DSTN: variants seen among roughly 807,000 people sequenced by gnomAD.
DSTN encodes destrin, actin depolymerizing factor.
Under a neutral mutation model 16.8 loss-of-function variants are expected in DSTN, and 10 were observed. The ratio of observed to expected loss-of-function variants is 0.60; its 90% CI spans 0.37 to 1.01. The LOEUF (loss-of-function observed/expected upper bound fraction) is 1.01, where lower values mean the gene tolerates loss of function less well. Among genes scored for constraint, DSTN ranks in the 50% least tolerant of loss-of-function variants. DSTN has a pLI of 0.01. For missense variants in DSTN, 141 were observed against 196.7 expected (o/e 0.72, Z 1.69); for synonymous variants, 57 against 58.9 (o/e 0.97, Z 0.14).
intron 1 of DSTN, among the ~76,000 whole-genome samples, chr20:17,590,942 A>T (rs998071528): frequency 2.6e-5 from 4 of 152,158 alleles, no homozygotes; most frequent in African/African-American, 9.7e-5. Context: ...CCCTGTTTCT[A>T]CAAAAAAGTT....
chr20:17,571,679 C>G (rs2122152280), intron 1 of DSTN, among the ~76,000 whole-genome samples: 1 of 152,292 alleles, frequency 6.6e-6, no homozygotes, highest in East Asian at 1.9e-4. Flanking sequence ...AGGGTCTGCT[C>G]TAGAGACTTC....
At chr20:17,586,175 GTCATTTTC>G (rs1455792105) in intron 1 of DSTN, among the ~76,000 whole-genome samples, 2 of 152,242 alleles carry the variant, frequency 1.3e-5, no homozygotes, top group East Asian at 3.9e-4. Flanking sequence ...CCTTGAAACA[GTCATTTTC>G]TCTACCTTAG....
At chr20:17,579,316 T>C (rs2035317416) in intron 1 of DSTN, among the ~76,000 whole-genome samples, 1 of 152,204 alleles carries the variant, frequency 6.6e-6, no homozygotes, top group Non-Finnish European at 1.5e-5. Context: ...GGCTCATGCC[T>C]GTAATCCTAG....
chr20:17,589,497 G>A (rs1214764832), intron 1 of DSTN, among the ~76,000 whole-genome samples: 6 of 152,270 alleles, frequency 3.9e-5, no homozygotes, highest in East Asian at 3.9e-4. Context: ...GAGCCGCAGC[G>A]CCCAGCCAAG....
intron 1 of DSTN, 92 bp from the exon 2 acceptor site, chr20:17,600,646 A>C (rs958959278): frequency 7.4e-7 from 1 of 1,358,028 alleles, no homozygotes; most frequent in Non-Finnish European, 9.8e-7. Context: ...TTAAAATGTT[A>C]AATATATGCC....
intron 3 of DSTN, 110 bp downstream of exon 3, chr20:17,604,741 G>A: frequency 2.1e-6 from 2 of 939,022 alleles, no homozygotes; most frequent in Non-Finnish European, 3.2e-6. Flanking sequence ...GGGCACAAGG[G>A]AGAAGTGTTA....
chr20:17,607,000 C>G, intron 3 of DSTN, 37 bp from the exon 4 acceptor site: 1 of 1,602,294 alleles, frequency 6.2e-7, no homozygotes, highest in Middle Eastern at 1.7e-4. Flanking sequence ...AAACTGCTGC[C>G]ATAATTGTAA....
At chr20:17,600,670 A>C in intron 1 of DSTN, 68 bp from the exon 2 acceptor site, 6 of 1,447,644 alleles carry the variant, frequency 4.1e-6, no homozygotes, top group Non-Finnish European at 5.5e-6. Context: ...CTATAAGCAG[A>C]ATTTATTATT....
At chr20:17,591,849 A>G in intron 1 of DSTN, 1 of 970,586 alleles carries the variant, frequency 1.0e-6, no homozygotes, top group Non-Finnish European at 1.2e-6. Flanking sequence ...GCTTTAAGAT[A>G]TCTCCTTTTG....
chr20:17,590,933 C>A (rs749348505), intron 1 of DSTN, among the ~76,000 whole-genome samples: 1 of 152,038 alleles, frequency 6.6e-6, no homozygotes, highest in African/African-American at 2.4e-5. Flanking sequence ...ATAACAAGAC[C>A]CTGTTTCTAC....
intron 1 of DSTN, among the ~76,000 whole-genome samples, chr20:17,574,837 T>C (rs2035253529): frequency 6.8e-6 from 1 of 147,150 alleles, no homozygotes; most frequent in South Asian, 2.1e-4. Context: ...TCCTTTCTTT[T>C]TTCTTTCTTT....
At position 17,587,020 on chromosome 20, in the gene DSTN, T is replaced by A. The variant is rs187624778; in HGVS notation, c.4-13718T>A. Among the ~76,000 whole-genome samples, 655 of 151,556 alleles carry A rather than the reference T, an allele frequency of 4.3e-3. 6 individuals are homozygous for A. The highest frequency in any genetic ancestry group is 0.024 in the Middle Eastern group (7 of 294). On this transcript the variant is annotated intron_variant, in intron 1 of 3. Transcript: ENST00000246069. The stretch of plus-strand genomic sequence containing the variant: ...GAGAATAACACAGCCAGTTTAAAAA[T>A]ATATATATATTCAGTATTTGACTTG...
chr20:17,590,646 T>A (rs756288203), intron 1 of DSTN, among the ~76,000 whole-genome samples: 29 of 152,276 alleles, frequency 1.9e-4, no homozygotes, highest in Non-Finnish European at 3.5e-4. Flanking sequence ...AACTTGGTGC[T>A]ATGTTCAGAG....
At chr20:17,580,407 T>C (rs2035329164) in intron 1 of DSTN, among the ~76,000 whole-genome samples, 1 of 152,054 alleles carries the variant, frequency 6.6e-6, no homozygotes, top group African/African-American at 2.4e-5. Context: ...AAAGACAAGA[T>C]CATTTCAGCT....
intron 1 of DSTN, among the ~76,000 whole-genome samples, chr20:17,571,436 T>G (rs1405550780): frequency 6.6e-6 from 1 of 152,264 alleles, no homozygotes; most frequent in Non-Finnish European, 1.5e-5. Flanking sequence ...TCTTGATGAC[T>G]GTAGATATGT....
At chr20:17,575,823 C>T (rs1383838913) in intron 1 of DSTN, among the ~76,000 whole-genome samples, 1 of 152,190 alleles carries the variant, frequency 6.6e-6, no homozygotes, top group Non-Finnish European at 1.5e-5. Flanking sequence ...CCACTGCGCC[C>T]AGCCGTGAAA....
intron 2 of DSTN, among the ~76,000 whole-genome samples, chr20:17,602,660 G>A (rs1034853766): frequency 6.6e-6 from 1 of 152,162 alleles, no homozygotes; most frequent in African/African-American, 2.4e-5. Flanking sequence ...TCTTAAAGTA[G>A]TTTAACAATT....
At chr20:17,606,060 A>G (rs569158488) in intron 3 of DSTN, among the ~76,000 whole-genome samples, 1 of 152,230 alleles carries the variant, frequency 6.6e-6, no homozygotes, top group African/African-American at 2.4e-5. Context: ...GTGAGCTGAG[A>G]TCGCACCATT....
chr20:17,574,184 C>T (rs1184749794), intron 1 of DSTN, among the ~76,000 whole-genome samples: 2 of 151,792 alleles, frequency 1.3e-5, no homozygotes, highest in Non-Finnish European at 2.9e-5. Flanking sequence ...AGCCTGGCCA[C>T]AGCGGGAGAC....
Sources: gnomAD v4.1 joint callset for allele counts (sites outside exome capture counted in the v4.1 genomes callset) on GRCh38, gnomAD v4.1.1 for gene constraint, MANE v1.5 for transcripts, NCBI Gene and HGNC (gene_info 2026-07-23, HGNC 2026-07-21) for gene names.